Variants in BCAS3 observed in about 807,000 individuals in gnomAD.
BCAS3 encodes BCAS3 microtubule associated cell migration factor.
BCAS3 carries 53 observed loss-of-function variants against 116.1 expected under a neutral mutation model. The observed-to-expected ratio is 0.46, with a 90% confidence interval of 0.37 to 0.57. The LOEUF (loss-of-function observed/expected upper bound fraction) is 0.57, where lower values mean the gene tolerates loss of function less well. BCAS3 is among the 20% of genes least tolerant of loss of function. The probability of loss-of-function intolerance (pLI) is 0.00; values close to 1 mark genes in which losing one functional copy is unlikely to be tolerated. For synonymous variants in BCAS3, 391 were observed against 408.2 expected (o/e 0.96, Z 0.51); for missense variants, 917 against 1,165.4 (o/e 0.79, Z 3.10).
chr17:61,056,187 A>G lies in BCAS3; in HGVS notation c.2029+15295A>G, dbSNP rs2069365069. On this transcript the variant is annotated intron_variant, in intron 19 of 23. Coordinates refer to ENST00000407086, the MANE Select transcript of BCAS3 (RefSeq NM_017679.5). The surrounding 1 kb of genome is among the most constrained non-coding windows in gnomAD (Gnocchi z 4.9). ...AGTGTATAGACAGACTTGGGAAGAG[A>G]TGGAGATAGAAATTGATTAGTGGCC... 6.6e-6 allele frequency among the ~76,000 whole-genome samples: 1 copy of G among 152,160 alleles called. No homozygotes were observed. The highest frequency in any genetic ancestry group is 6.5e-5 in the Admixed American group (1 of 15,268).
chr17:61,204,098 A>T lies in BCAS3; in HGVS notation c.2425+119534A>T, dbSNP rs2080992015. 6.6e-6 allele frequency among the ~76,000 whole-genome samples: 1 copy of T among 152,036 alleles called. No homozygotes were observed. The highest frequency in any genetic ancestry group is 2.1e-4 in the South Asian group (1 of 4,818). On this transcript the variant is annotated intron_variant, in intron 22 of 23. Coordinates refer to ENST00000407086, the MANE Select transcript of BCAS3 (RefSeq NM_017679.5). The surrounding 1 kb of genome is among the most constrained non-coding windows in gnomAD (Gnocchi z 4.2). ...CTCTGGGAGGTTTGATACACTCTTCATCCTCCTCAGCTCACCAGAGTCACT... is the reference window on the plus strand; with the variant it reads ...CTCTGGGAGGTTTGATACACTCTTCTTCCTCCTCAGCTCACCAGAGTCACT...
At chr17:61,340,514 C>T (rs1017622968) in intron 22 of BCAS3, among the ~76,000 whole-genome samples, 2 of 152,052 alleles carry the variant, frequency 1.3e-5, no homozygotes, top group African/African-American at 4.8e-5. Flanking sequence ...TGAATGCGCT[C>T]AGGAAATAGC....
rs1334486857 is a variant in BCAS3 at position 61,224,853 on chromosome 17, C to T, written c.2425+140289C>T. Among the ~76,000 whole-genome samples the T allele has an allele frequency of 2.0e-5, 3 of 152,202 alleles. No homozygotes were observed. The highest frequency in any genetic ancestry group is 7.2e-5 in the African/African-American group (3 of 41,458). On this transcript the variant is annotated intron_variant, in intron 22 of 23. Coordinates refer to ENST00000407086, the MANE Select transcript of BCAS3 (RefSeq NM_017679.5). The surrounding 1 kb of genome is among the most constrained non-coding windows in gnomAD (Gnocchi z 5.7). ...CTTCAGCCTAGCCATATTTCAAGTG[C>T]TCAGTAGCCACATGTTGCTAGTGGC...
At chr17:61,187,599 T>C (rs1311957696) in intron 22 of BCAS3, among the ~76,000 whole-genome samples, 1 of 152,180 alleles carries the variant, frequency 6.6e-6, no homozygotes, top group Non-Finnish European at 1.5e-5. Flanking sequence ...TTGGCAACCA[T>C]GTATAGGGTT....
chr17:61,012,982 T>TA lies in BCAS3; in HGVS notation c.1487-2768dup, dbSNP rs2065212676. Among the ~76,000 whole-genome samples the TA allele has an allele frequency of 6.6e-6, 1 of 152,080 alleles. No individual in the cohort carries two copies. Among genetic ancestry groups the TA allele is most frequent in the South Asian group, 2.1e-4 (1 of 4,830 alleles). Reference sequence around the variant, plus strand: ...ACTGAAATATTTTATCTGCCATAGTTAGAGATTCCTCACTACTCCTCACAT... The same window carrying TA: ...ACTGAAATATTTTATCTGCCATAGTTAAGAGATTCCTCACTACTCCTCACAT... On this transcript the variant is annotated intron_variant, in intron 15 of 23. Transcript: ENST00000407086. The surrounding 1 kb of genome is among the most constrained non-coding windows in gnomAD (Gnocchi z 4.5).
chr17:61,216,964 G>GCCTA (rs1205292566), intron 22 of BCAS3, among the ~76,000 whole-genome samples: 1 of 152,032 alleles, frequency 6.6e-6, no homozygotes. Context: ...AAAGTTGTTT[G>GCCTA]CCTACCATGT....
At chr17:60,976,621 A>T (rs546075789) in intron 14 of BCAS3, among the ~76,000 whole-genome samples, 260 of 152,036 alleles carry the variant, frequency 1.7e-3, no homozygotes, top group African/African-American at 5.8e-3. Flanking sequence ...GGTATTTGAG[A>T]TTAGGGAGTG....
At chr17:61,036,870 A>G (rs1600659038) in intron 17 of BCAS3, among the ~76,000 whole-genome samples, 1 of 152,288 alleles carries the variant, frequency 6.6e-6, no homozygotes, top group African/African-American at 2.4e-5. Flanking sequence ...ATTTGGGGGA[A>G]GGGGATGCAC....
In BCAS3 at chr17:61,305,734, A is replaced by G. The variant is rs1174474739; in HGVS notation, c.2426-62593A>G. Among the ~76,000 whole-genome samples, 3 of 152,096 alleles carry G rather than the reference A, an allele frequency of 2.0e-5. No homozygotes were observed. The East Asian group carries it at 5.8e-4, about 29-fold the overall frequency. On this transcript the variant is annotated intron_variant, in intron 22 of 23. Coordinates refer to ENST00000407086, the MANE Select transcript of BCAS3 (RefSeq NM_017679.5). ...AACATGGTGAAACCCCGTCTCTACT[A>G]AAAATACAAAAATTAGCTGGGTGTG...
intron 22 of BCAS3, among the ~76,000 whole-genome samples, chr17:61,157,093 T>A (rs2077888661): frequency 6.6e-6 from 1 of 152,212 alleles, no homozygotes; most frequent in South Asian, 2.1e-4. Context: ...ATGGATTAAT[T>A]TTAACTTTTC....
At chr17:60,820,343 C>A (rs922434022) in intron 7 of BCAS3, among the ~76,000 whole-genome samples, 3 of 152,186 alleles carry the variant, frequency 2.0e-5, no homozygotes, top group Non-Finnish European at 4.4e-5. Context: ...CCGTGCCCAG[C>A]CGACGGTGGG....
At chr17:60,875,814 A>G (rs995271095) in intron 9 of BCAS3, among the ~76,000 whole-genome samples, 4 of 151,958 alleles carry the variant, frequency 2.6e-5, no homozygotes, top group African/African-American at 7.2e-5. Flanking sequence ...GCCATAAACA[A>G]TAACTTTTTA....
intron 6 of BCAS3, among the ~76,000 whole-genome samples, chr17:60,755,730 T>A (rs1246916157): frequency 2.6e-5 from 4 of 152,230 alleles, no homozygotes; most frequent in African/African-American, 7.2e-5. Context: ...ATTTTCATCA[T>A]GTGGATTTAT....
intron 6 of BCAS3, among the ~76,000 whole-genome samples, chr17:60,754,787 A>T (rs1202419401): frequency 6.6e-6 from 1 of 152,022 alleles, no homozygotes; most frequent in Non-Finnish European, 1.5e-5. Flanking sequence ...AAGTAGGCCA[A>T]CTGACATTTG....
At chr17:60,708,921 A>G (rs1044225441) in intron 4 of BCAS3, among the ~76,000 whole-genome samples, 1 of 152,064 alleles carries the variant, frequency 6.6e-6, no homozygotes, top group Non-Finnish European at 1.5e-5. Flanking sequence ...GTCCTCTCAA[A>G]ATACTGGGAT....
chr17:60,808,074 T>G lies in BCAS3; in HGVS notation c.474T>G (p.Ser158=), dbSNP rs1235214227. The G allele has an allele frequency of 1.6e-5, 25 of 1,593,818 alleles. No homozygotes were observed. Among genetic ancestry groups the G allele is most frequent in the Non-Finnish European group, 2.1e-5 (25 of 1,167,954 alleles). The change falls in exon 7 of 24, where the codon TCT becomes TCG. Residue 158 remains serine (S), a splice_region_variant and synonymous_variant. Coordinates refer to ENST00000407086, the MANE Select transcript of BCAS3 (RefSeq NM_017679.5). ...GTGTTTGTAAGAGCATTGGATCTTC[T>G]GGGTAAGGAAATTTTAAAAATTCTT... The part of the protein sequence containing the change: ...LLGVCKSIGS[S]GTSPPYCCVD...
At chr17:60,981,316 G>C (rs1221824949) in intron 14 of BCAS3, among the ~76,000 whole-genome samples, 1 of 150,964 alleles carries the variant, frequency 6.6e-6, no homozygotes, top group Non-Finnish European at 1.5e-5. Flanking sequence ...GTCTCGCTCT[G>C]TCACCCAGGC....
At chr17:60,705,940 C>T (rs945406089) in intron 4 of BCAS3, among the ~76,000 whole-genome samples, 2 of 152,128 alleles carry the variant, frequency 1.3e-5, no homozygotes, top group Non-Finnish European at 2.9e-5. Flanking sequence ...ACTGAGTGTG[C>T]CTGCCTCTAT....
intron 22 of BCAS3, among the ~76,000 whole-genome samples, chr17:61,269,645 A>C (rs867991577): frequency 1.7e-4 from 26 of 152,132 alleles, no homozygotes; most frequent in African/African-American, 5.8e-4. Flanking sequence ...ATAGTGGCCA[A>C]CTTAATGGGT....
Sources: allele counts gnomAD v4.1 joint callset (sites outside exome capture counted in the v4.1 genomes callset), GRCh38; gene constraint gnomAD v4.1.1; non-coding constraint Gnocchi (gnomAD v3.1); transcripts MANE v1.5; gene names NCBI Gene and HGNC (gene_info 2026-07-23, HGNC 2026-07-21).